The following TNC variants were observed in gnomAD, a reference collection of about 807,000 sequenced individuals.
TNC encodes the protein tenascin.
A neutral mutation model predicts 202.4 loss-of-function variants in TNC; 109 were observed. That is an observed-to-expected ratio of 0.54 (90% CI 0.46 to 0.63). TNC has a LOEUF of 0.63. TNC is among the 30% of genes least tolerant of loss of function. The pLI is 0.00. For synonymous variants in TNC, 1,007 were observed against 1,089.7 expected (o/e 0.92, Z 1.50); for missense variants, 2,756 against 2,833.3 (o/e 0.97, Z 0.62).
chr9:115,073,330 T>C (rs1330871300), intron 10 of TNC, among the ~76,000 whole-genome samples: 2 of 152,196 alleles, frequency 1.3e-5, no homozygotes, highest in Non-Finnish European at 2.9e-5. Context: ...AAATCATAGG[T>C]AAATGCAAAC....
At chr9:115,052,978 A>T (rs768377632) in intron 15 of TNC, 4 of 702,422 alleles carry the variant, frequency 5.7e-6, no homozygotes, top group Middle Eastern at 4.6e-4. Flanking sequence ...TTGGAGTAAT[A>T]TTGCTAAAGA....
intron 6 of TNC, among the ~76,000 whole-genome samples, chr9:115,080,740 A>G (rs370199523): frequency 1.8e-4 from 28 of 151,974 alleles, no homozygotes; most frequent in South Asian, 8.3e-4. Flanking sequence ...CTGAAACCCC[A>G]TCTCTACTAA....
intron 19 of TNC, among the ~76,000 whole-genome samples, chr9:115,039,610 C>A (rs148449103): frequency 7.2e-5 from 11 of 152,264 alleles, no homozygotes; most frequent in African/African-American, 2.6e-4. Context: ...GCAGCCCTGG[C>A]GAGGGTGGAG....
intron 13 of TNC, among the ~76,000 whole-genome samples, chr9:115,062,043 G>C (rs1280379078): frequency 6.6e-6 from 1 of 152,168 alleles, no homozygotes; most frequent in Non-Finnish European, 1.5e-5. Context: ...GTGTTAGTTG[G>C]TGGCTCTGAG....
chr9:115,061,613 C>T (rs1303163587), intron 13 of TNC, among the ~76,000 whole-genome samples: 1 of 152,136 alleles, frequency 6.6e-6, no homozygotes, highest in Non-Finnish European at 1.5e-5. Flanking sequence ...CTAGCAACCA[C>T]CAAGTTTATC....
chr9:115,044,502 A>C (rs1831028487), intron 17 of TNC, among the ~76,000 whole-genome samples: 3 of 151,528 alleles, frequency 2.0e-5, no homozygotes, highest in Admixed American at 2.0e-4. Context: ...TTTCCAAAAG[A>C]GCAGGGTCTG....
intron 13 of TNC, among the ~76,000 whole-genome samples, chr9:115,062,301 T>C (rs1305747281): frequency 6.6e-6 from 1 of 152,060 alleles, no homozygotes; most frequent in Non-Finnish European, 1.5e-5. Context: ...CTCAGGGATG[T>C]AAAGAAATAT....
In TNC at chr9:115,087,698, C is replaced by CTT. The variant is rs752435283; in HGVS notation, c.458-427_458-426dup. ...GGCTATGTTACTATTTCTTTCTTTTCTTTTTTTTTTTTTTTTTTTTTGAGA... is the reference window on the plus strand; with the variant it reads ...GGCTATGTTACTATTTCTTTCTTTTCTTTTTTTTTTTTTTTTTTTTTTTGAGA... On this transcript the variant is annotated intron_variant, in intron 2 of 27. Coordinates refer to ENST00000350763, the MANE Select transcript of TNC (RefSeq NM_002160.4). Among the ~76,000 whole-genome samples, 594 of 119,618 alleles carry CTT rather than the reference C, an allele frequency of 5.0e-3. 12 individuals carry two copies. The highest frequency in any genetic ancestry group is 8.2e-3 in the Non-Finnish European group (475 of 57,872). 78.5% of individuals were successfully genotyped at this position (119,618 alleles called of 152,430 possible).
chr9:115,111,954 A>G (rs936515345), intron 1 of TNC, among the ~76,000 whole-genome samples: 2 of 152,158 alleles, frequency 1.3e-5, no homozygotes, highest in Non-Finnish European at 1.5e-5. Context: ...CTCATGAGAG[A>G]CCATGAGGCA....
chr9:115,101,938 A>G (rs185675277), intron 1 of TNC, among the ~76,000 whole-genome samples: 2 of 152,372 alleles, frequency 1.3e-5, no homozygotes, highest in East Asian at 3.9e-4. Flanking sequence ...AGTTGACATC[A>G]TCATCATCAC....
chr9:115,026,493 C>T (rs760595655), intron 26 of TNC, 41 bp downstream of exon 26: 2 of 1,595,734 alleles, frequency 1.3e-6, no homozygotes, highest in African/African-American at 2.7e-5. Context: ...TCAAGAAGGT[C>T]TCCATGGCTT....
chr9:115,083,837 C>T (rs1757111), intron 4 of TNC, among the ~76,000 whole-genome samples: 72,083 of 151,978 alleles, frequency 0.47, 17,538 homozygotes, highest in African/African-American at 0.57. Context: ...ACTCGTGACC[C>T]CAGGTGATCC....
intron 15 of TNC, 84 bp downstream of exon 15, chr9:115,057,069 C>A: frequency 8.1e-6 from 12 of 1,489,092 alleles, no homozygotes; most frequent in Non-Finnish European, 1.1e-5. Context: ...GCTTGTACAT[C>A]AATGGGAGAG....
At position 115,078,194 on chromosome 9, in the gene TNC, T is replaced by A. The variant is rs1588142255; in HGVS notation, c.2423A>T (p.Gln808Leu). Residue 808 changes from glutamine to leucine, a missense_variant, in exon 7 of 28, where the codon CAG becomes CTG. Around this residue, in one of 2 missense-constraint regions of TNC, gnomAD observed 2,559 missense variants for 2,546.0 expected, o/e 1.01. Transcript: ENST00000350763. ...VTTTRLDAPS[Q>L]IEVKDVTDTT... The stretch of plus-strand genomic sequence containing the variant: ...GTCTGTGACATCTTTCACCTCGATC[T>A]GGCTGGGGGCATCCAAGCCTATGAT... 1 of 1,606,852 alleles carries A rather than the reference T, an allele frequency of 6.2e-7. No homozygotes were observed. The highest frequency in any genetic ancestry group is 1.1e-5 in the South Asian group (1 of 90,720).
rs1831196503 is a variant in TNC, at chr9:115,046,410, C to G, written c.5125G>C (p.Ala1709Pro). The G allele has an allele frequency of 6.2e-7, 1 of 1,613,754 alleles. No individual in the cohort carries two copies. Among genetic ancestry groups the G allele is most frequent in the Non-Finnish European group, 8.5e-7 (1 of 1,179,878 alleles). The stretch of plus-strand genomic sequence containing the variant: ...GTTCTCTCCTGTTTATTTACAGTAC[C>G]TGTTGTTGCTATAGCACTGACTGTC... ...SQTVSAIATT[A>P]MGSPKEVIFS... The change falls in exon 17 of 28, where the codon GCC (alanine) becomes CCC (proline). Residue 1709 changes from alanine to proline, a missense_variant and splice_region_variant. This residue lies in a region of TNC where 2,559 missense variants were observed against 2,546.0 expected (regional missense o/e 1.01). Transcript: ENST00000350763.
intron 1 of TNC, among the ~76,000 whole-genome samples, chr9:115,108,130 A>G (rs1588235807): frequency 6.6e-6 from 1 of 152,242 alleles, no homozygotes; most frequent in East Asian, 1.9e-4. Context: ...CTCTAGAGCT[A>G]GGTTTTCCTT....
rs1588090253 is a variant in TNC at position 115,059,986 on chromosome 9, C to T, written c.4050G>A (p.Leu1350=). The T allele has an allele frequency of 1.2e-6, 2 of 1,613,234 alleles. No homozygotes were observed. The highest frequency in any genetic ancestry group is 1.7e-6 in the Non-Finnish European group (2 of 1,179,460). The change falls in exon 14 of 28, where the codon CTG becomes CTA. Residue 1350 remains leucine, a synonymous_variant. Transcript: ENST00000350763. ...VEVVTEDLPQ[L]GDLAVSEVGW... is the part of the protein sequence containing the mutation. The stretch of plus-strand genomic sequence containing the variant: ...CAACCTCAGACACGGCTAAATCTCC[C>T]AGCTGTGGGAGATCCTCTGAAGAAG...
intron 13 of TNC, 92 bp downstream of exon 13, chr9:115,062,825 G>A (rs1832650333): frequency 7.1e-7 from 1 of 1,410,084 alleles, no homozygotes; most frequent in Admixed American, 2.1e-5. Context: ...CAACAACATT[G>A]GGGTAGGATT....
In TNC at chr9:115,090,845, C is replaced by A; in HGVS notation, c.174G>T (p.Leu58=). 1 of 1,614,218 alleles carries A rather than the reference C, an allele frequency of 6.2e-7. No individual in the cohort carries two copies. Among genetic ancestry groups the A allele is most frequent in the African/African-American group, 1.3e-5 (1 of 75,058 alleles). ...VVFNHVYNIK[L]PVGSQCSVDL... ...CCACCGAACACTGGGATCCCACTGG[C>A]AGCTTGATGTTGTAAACGTGGTTAA... is the stretch of plus-strand genomic sequence containing the variant. Residue 58 remains leucine, a synonymous_variant, in exon 2 of 28, where the codon CTG becomes CTT. Transcript: ENST00000350763.
Sources: gnomAD v4.1 joint callset for allele counts (sites outside exome capture counted in the v4.1 genomes callset) on GRCh38, gnomAD v4.1.1 for gene constraint, gnomAD v4.1.1 regional missense constraint, MANE v1.5 for transcripts, NCBI Gene and HGNC (gene_info 2026-07-23, HGNC 2026-07-21) for gene names.